HTD2: variants seen among roughly 807,000 people sequenced by gnomAD.
HTD2 encodes the protein hydroxyacyl-thioester dehydratase type 2, also known as hydroxyacyl-thioester dehydratase type 2, mitochondrial.
A neutral mutation model predicts 3.1 loss-of-function variants in HTD2; 1 was observed. The observed-to-expected ratio is 0.32, with a 90% confidence interval of 0.11 to 1.52. The LOEUF (loss-of-function observed/expected upper bound fraction) is 1.52. HTD2 is among the 40% of genes most tolerant of loss of function. HTD2 has a pLI of 0.39. For synonymous variants in HTD2, 50 were observed against 28.9 expected (o/e 1.73, Z -2.34); for missense variants, 150 against 79.6 (o/e 1.88, Z -3.36).
chr3:58,311,657 G>C (rs2097482356), intron 2 of HTD2, among the ~76,000 whole-genome samples: 1 of 140,588 alleles, frequency 7.1e-6, no homozygotes, highest in African/African-American at 2.6e-5. Context: ...GGGCACTTAA[G>C]TTCTACATTT....
intron 2 of HTD2, among the ~76,000 whole-genome samples, chr3:58,311,541 C>T (rs1176765958): frequency 6.6e-6 from 1 of 152,154 alleles, no homozygotes; most frequent in African/African-American, 2.4e-5. Flanking sequence ...ACAAAATGGC[C>T]TCCAGTTCTA....
intron 2 of HTD2, chr3:58,315,704 T>G (rs2097487537): frequency 6.6e-6 from 1 of 152,248 alleles, no homozygotes; most frequent in African/African-American, 2.4e-5. Context: ...GAAACAGAGT[T>G]TCGCTCTTCT....
intron 1 of HTD2, chr3:58,309,956 T>G: frequency 5.0e-6 from 1 of 201,822 alleles, no homozygotes; most frequent in Non-Finnish European, 1.0e-5. Flanking sequence ...TCCCAGCACT[T>G]TGGGAGGCTG....
chr3:58,313,440 A>G (rs142088233), intron 2 of HTD2, among the ~76,000 whole-genome samples: 1 of 152,346 alleles, frequency 6.6e-6, no homozygotes, highest in East Asian at 1.9e-4. Context: ...TGCTCAGGAA[A>G]TTATTTTGTG....
At chr3:58,312,001 T>C (rs2097482737) in intron 2 of HTD2, among the ~76,000 whole-genome samples, 1 of 151,956 alleles carries the variant, frequency 6.6e-6, no homozygotes, top group African/African-American at 2.4e-5. Flanking sequence ...GTATCCCGAG[T>C]AGCTGGGACC....
At chr3:58,316,476 G>T (rs565503751) in intron 2 of HTD2, 39 bp from the exon 3 acceptor site, 6 of 1,551,210 alleles carry the variant, frequency 3.9e-6, no homozygotes, top group Non-Finnish European at 5.3e-6. Context: ...CAAGAATAAT[G>T]GTGAGAATAG....
In HTD2 at chr3:58,316,767, G is replaced by A. The variant is rs1000643635; in HGVS notation, c.-253-148G>A. 5 of 864,278 alleles carry A rather than the reference G, an allele frequency of 5.8e-6. No homozygotes were observed. The Admixed American group carries it at 1.2e-4, about 21-fold the overall frequency. The allele number at this position is 864,278 out of a possible 1,614,324, so 53.5% of individuals were successfully genotyped here. A position where few individuals can be genotyped will look rare whatever the true frequency, so the allele number is the denominator to read the frequency against. Reference sequence around the variant, plus strand: ...CACCAGAAACTTGTACTCTAGAGAGGGCAAAACTTACGATTTGGTTACAGC... The same window carrying A: ...CACCAGAAACTTGTACTCTAGAGAGAGCAAAACTTACGATTTGGTTACAGC... On this transcript the variant is annotated intron_variant, in intron 3 of 4. Coordinates refer to ENST00000461393, the MANE Select transcript of HTD2 (RefSeq NM_001348712.2).
At position 58,317,987 on chromosome 3, in the gene HTD2, T is replaced by A; in HGVS notation, c.374T>A (p.Leu125Ter). Reference protein sequence around the residue: ...PAPLYIGEVVLASAEVKKLKR... With the variant: ...PAPLYIGEVV ...CCTTTATATATTGGAGAAGTTGTTT[T>A]AGCTTCTGCAGAAGTGAAAAAGCTG... is the stretch of plus-strand genomic sequence containing the variant. Residue 125 changes from leucine (L) to a stop codon, truncating the protein, a stop_gained, in exon 5 of 5, where the codon TTA becomes TAA. Transcript: ENST00000461393. LOFTEE classifies it high-confidence loss of function. 2 of 703,004 alleles carry A rather than the reference T, an allele frequency of 2.8e-6. No individual in the cohort carries two copies. Among genetic ancestry groups the A allele is most frequent in the Non-Finnish European group, 2.6e-6 (1 of 385,010 alleles). The allele number at this position is 703,004 out of a possible 1,614,324, so 43.5% of individuals were successfully genotyped here. A position where few individuals can be genotyped will look rare whatever the true frequency, so the allele number is the denominator to read the frequency against.
intron 1 of HTD2, among the ~76,000 whole-genome samples, chr3:58,307,598 C>T (rs1222982619): frequency 6.6e-6 from 1 of 152,086 alleles, no homozygotes; most frequent in East Asian, 1.9e-4. Context: ...TGATGACGTA[C>T]GCCTGTAATC....
In HTD2 at chr3:58,318,832, C is replaced by G. The variant is rs1422406832; in HGVS notation, c.*712C>G. ...CTGGCCAACATGTGAAACCCCATCT[C>G]TACTAAAAATACAAAAACTAACCGG... On this transcript the variant is annotated 3_prime_UTR_variant, in exon 5 of 5. Coordinates refer to ENST00000461393, the MANE Select transcript of HTD2 (RefSeq NM_001348712.2). 6.6e-6 allele frequency: 1 copy of G among 152,000 alleles called. No individual in the cohort carries two copies. Among genetic ancestry groups the G allele is most frequent in the Non-Finnish European group, 1.5e-5 (1 of 68,040 alleles). The allele number at this position is 152,000 out of a possible 1,614,324, so 9.4% of individuals were successfully genotyped here.
intron 2 of HTD2, among the ~76,000 whole-genome samples, chr3:58,311,905 C>T (rs987372110): frequency 2.6e-5 from 4 of 152,122 alleles, no homozygotes; most frequent in African/African-American, 4.8e-5. Flanking sequence ...TGAAGTCTTG[C>T]CGTGATGCCC....
At chr3:58,311,661 T>C (rs1446494195) in intron 2 of HTD2, among the ~76,000 whole-genome samples, 2 of 141,400 alleles carry the variant, frequency 1.4e-5, no homozygotes, top group African/African-American at 2.6e-5. Context: ...ACTTAAGTTC[T>C]ACATTTTGCC....
chr3:58,313,614 G>A (rs2097484758), intron 2 of HTD2, among the ~76,000 whole-genome samples: 1 of 152,182 alleles, frequency 6.6e-6, no homozygotes. Context: ...CTTGAGCCCA[G>A]GAGTTCCAGG....
chr3:58,318,313 A>G lies in HTD2; in HGVS notation c.*193A>G, dbSNP rs867252512. The G allele has an allele frequency of 1.3e-4, 62 of 465,254 alleles. No individual in the cohort carries two copies. In the South Asian group the frequency reaches 2.8e-3, roughly 21 times the overall value. 28.8% of individuals were successfully genotyped at this position (465,254 alleles called of 1,614,324 possible). A position where few individuals can be genotyped will look rare whatever the true frequency, so the allele number is the denominator to read the frequency against. On this transcript the variant is annotated 3_prime_UTR_variant, in exon 5 of 5. Transcript: ENST00000461393. ...TTATGCTTCATGCAGACTTGAGTGT[A>G]TGCAGGATTTCATTATCTGCCTGGG...
chr3:58,316,915 T>G lies in HTD2; in HGVS notation c.-253T>G, dbSNP rs756832975. The G allele has an allele frequency of 7.4e-6, 12 of 1,612,554 alleles. No homozygotes were observed. Among genetic ancestry groups the G allele is most frequent in the Non-Finnish European group, 1.0e-5 (12 of 1,178,936 alleles). ...ATGTATTTTCTTGATCTTTCTGCAG[T>G]GGTCTTGTCAAATTGTGGAGCTCTT... On this transcript the variant is annotated splice_region_variant and 5_prime_UTR_variant, in exon 4 of 5. Coordinates refer to ENST00000461393, the MANE Select transcript of HTD2 (RefSeq NM_001348712.2).
At position 58,310,543 on chromosome 3, in the gene HTD2, A is replaced by C. The variant is rs141696875; in HGVS notation, c.-379A>C. 1 of 1,612,984 alleles carries C rather than the reference A, an allele frequency of 6.2e-7. No individual in the cohort carries two copies. The highest frequency in any genetic ancestry group is 1.7e-5 in the Admixed American group (1 of 59,714). Reference sequence around the variant, plus strand: ...ATTGTGGAGTTGGACTGAATGCTGCACAGTTCAAACAGCTGCTTATTTCGG... The same window carrying C: ...ATTGTGGAGTTGGACTGAATGCTGCCCAGTTCAAACAGCTGCTTATTTCGG... On this transcript the variant is annotated 5_prime_UTR_variant, in exon 2 of 5. Coordinates refer to ENST00000461393, the MANE Select transcript of HTD2 (RefSeq NM_001348712.2).
rs1016662838 is a variant in HTD2 at position 58,320,104 on chromosome 3, G to C, written c.*1984G>C. On this transcript the variant is annotated 3_prime_UTR_variant, in exon 5 of 5. Transcript: ENST00000461393. ...CTTTGGAACTGGCTTCTTTGATATA[G>C]CATGTTTTCAGGGTTCATCCATGTT... is the stretch of plus-strand genomic sequence containing the variant. The C allele has an allele frequency of 6.6e-6, 1 of 151,962 alleles. No homozygotes were observed. Among genetic ancestry groups the C allele is most frequent in the Admixed American group, 6.6e-5 (1 of 15,262 alleles). 9.4% of individuals were successfully genotyped at this position (151,962 alleles called of 1,614,324 possible).
In HTD2 at chr3:58,309,883, C is replaced by T. The variant is rs2097480223; in HGVS notation, c.-415-624C>T. Among the ~76,000 whole-genome samples the T allele has an allele frequency of 2.0e-5, 3 of 151,858 alleles. No homozygotes were observed. The South Asian group carries it at 6.2e-4, about 32-fold the overall frequency. ...CTCCAGCCTGGGCGACAGAGCAAGA[C>T]TCCTTCTCCAAAAAAAAAATAATAA... is the stretch of plus-strand genomic sequence containing the variant. On this transcript the variant is annotated intron_variant, in intron 1 of 4. Transcript: ENST00000461393.
intron 4 of HTD2, 52 bp from the exon 5 acceptor site, chr3:58,317,388 G>C: frequency 4.9e-6 from 6 of 1,227,186 alleles, no homozygotes; most frequent in Non-Finnish European, 7.1e-6. Flanking sequence ...CCATTGCCCT[G>C]TGCTTCAGTG....
Sources: allele counts gnomAD v4.1 joint callset (sites outside exome capture counted in the v4.1 genomes callset), GRCh38; gene constraint gnomAD v4.1.1; transcripts MANE v1.5; gene names NCBI Gene and HGNC (gene_info 2026-07-23, HGNC 2026-07-21).